The following WDR38 variants were observed in gnomAD, a reference collection of about 807,000 sequenced individuals.
WDR38 encodes WD repeat-containing protein 38.
In WDR38, 37 loss-of-function variants were observed where a neutral mutation model predicts 36.6. That is an observed-to-expected ratio of 1.01 (90% CI 0.78 to 1.33). The LOEUF is 1.33. Ranked by LOEUF, WDR38 falls within the 40% of genes most tolerant of loss-of-function variation. The probability of loss-of-function intolerance (pLI) is 0.00; values close to 1 mark genes in which losing one functional copy is unlikely to be tolerated. For synonymous variants in WDR38, 164 were observed against 168.1 expected (o/e 0.98, Z 0.19); for missense variants, 411 against 414.6 (o/e 0.99, Z 0.07).
chr9:124,856,650 C>A, intron 6 of WDR38, 50 bp downstream of exon 6: 1 of 1,612,490 alleles, frequency 6.2e-7, no homozygotes, highest in Non-Finnish European at 8.5e-7. Flanking sequence ...GGCAGCCAGG[C>A]CCTTAAGGGT....
intron 7 of WDR38, 152 bp from the exon 8 acceptor site, chr9:124,857,212 A>C: frequency 9.4e-7 from 1 of 1,059,730 alleles, no homozygotes; most frequent in South Asian, 1.4e-5. Context: ...CTGTAATCCC[A>C]GCACTTTGGG....
At position 124,857,366 on chromosome 9, in the gene WDR38, CAA is replaced by C. The variant is rs1157358426; in HGVS notation, c.773_774del (p.Lys258SerfsTer11). 3 of 1,613,982 alleles carry C rather than the reference CAA, an allele frequency of 1.9e-6. No homozygotes were observed. The highest frequency in any genetic ancestry group is 2.7e-5 in the African/African-American group (2 of 75,002). On this transcript the variant is annotated frameshift_variant, in exon 8 of 9. Coordinates refer to ENST00000373574, the MANE Select transcript of WDR38 (RefSeq NM_001045476.3). LOFTEE classifies it low-confidence loss of function (END_TRUNC). ...LASAGYSRMV[K>X]VWDCNTGKCL... ...GACATGCCCCCCTCCTTTTCCAGGT[CAA>C]AGTCTGGGACTGCAACACAGGAAAG...
intron 2 of WDR38, 64 bp from the exon 3 acceptor site, chr9:124,855,570 A>T: frequency 6.6e-7 from 1 of 1,514,936 alleles, no homozygotes; most frequent in Middle Eastern, 1.8e-4. Context: ...ATTAGCAAGG[A>T]TTGGACTGCG....
Position 124,856,465 on chromosome 9 carries a change from G to A in WDR38, c.487-4G>A. On this transcript the variant is annotated splice_polypyrimidine_tract_variant and splice_region_variant and intron_variant, in intron 5 of 8. Transcript: ENST00000373574. Reference sequence around the variant, plus strand: ...TGGGCCAGACTCACAGAAGCTGCCTGCAGGCCACCGGCTCCTGGGACTCCA... The same window carrying A: ...TGGGCCAGACTCACAGAAGCTGCCTACAGGCCACCGGCTCCTGGGACTCCA... 1.2e-6 allele frequency: 2 copies of A among 1,612,022 alleles called. No homozygotes were observed. The highest frequency in any genetic ancestry group is 1.7e-6 in the Non-Finnish European group (2 of 1,179,126).
Position 124,856,328 on chromosome 9 carries a change from T to C in WDR38, c.486+8T>C, listed in dbSNP as rs566567105. On this transcript the variant is annotated splice_region_variant and intron_variant, in intron 5 of 8. Transcript: ENST00000373574. Reference sequence around the variant, plus strand: ...CCCACGGTGAACTGCCTGGTGAGCCTACCCTCTGCCCTGGGCCCCACCTCA... The same window carrying C: ...CCCACGGTGAACTGCCTGGTGAGCCCACCCTCTGCCCTGGGCCCCACCTCA... 1.9e-6 allele frequency: 3 copies of C among 1,614,152 alleles called. No homozygotes were observed. The highest frequency in any genetic ancestry group is 1.7e-5 in the Admixed American group (1 of 60,034).
In WDR38 at chr9:124,856,512, G is replaced by A. The variant is rs117762897; in HGVS notation, c.530G>A (p.Arg177Gln). 5.4e-3 allele frequency: 8,650 copies of A among 1,612,364 alleles called. 428 individuals are homozygous for A. The Admixed American group carries it at 0.1, about 19-fold the overall frequency. The change falls in exon 6 of 9, where the codon CGG becomes CAG. Residue 177 changes from arginine (R) to glutamine (Q), a missense_variant. Transcript: ENST00000373574. ...TCCACCGTACACATCTGGGACCTGC[G>A]GATGGTGACCCCAGCAGTCTCCCAC... ...WDSTVHIWDL[R>Q]MVTPAVSHQA...
At chr9:124,856,708 G>A (rs776646244) in intron 6 of WDR38, 24 bp from the exon 7 acceptor site, 3 of 1,613,908 alleles carry the variant, frequency 1.9e-6, no homozygotes, top group Non-Finnish European at 2.5e-6. Flanking sequence ...CAAACCCTGG[G>A]GATCAGAGCT....
At chr9:124,853,678 AG>A (rs1478258632) in intron 1 of WDR38, 78 bp downstream of exon 1, 1 of 1,114,446 alleles carries the variant, frequency 9.0e-7, no homozygotes, top group African/African-American at 1.6e-5. Context: ...TGGGGGTTCC[AG>A]AATGTTCTCT....
chr9:124,853,555 G>A lies in WDR38; in HGVS notation c.24G>A (p.Thr8=), dbSNP rs1828962485. MNSGVPA[T]LAVRRVKFFG... is the part of the protein sequence containing the mutation. ...CCATGAACAGCGGGGTCCCGGCCAC[G>A]CTGGCCGTGCGGAGAGTGAAATTCT... The change falls in exon 1 of 9, where the codon ACG becomes ACA. Residue 8 remains threonine (T), a synonymous_variant. Transcript: ENST00000373574. 4 of 1,250,592 alleles carry A rather than the reference G, an allele frequency of 3.2e-6. No individual in the cohort carries two copies. The highest frequency in any genetic ancestry group is 4.2e-5 in the Admixed American group (1 of 23,884). The allele number at this position is 1,250,592 out of a possible 1,614,324, so 77.5% of individuals were successfully genotyped here.
chr9:124,855,189 C>T (rs370386760), intron 2 of WDR38, among the ~76,000 whole-genome samples: 1 of 152,174 alleles, frequency 6.6e-6, no homozygotes, highest in East Asian at 1.9e-4. Flanking sequence ...CCTGTCACCT[C>T]GCTGAGCCAT....
Position 124,857,755 on chromosome 9 carries a change from T to G in WDR38, c.*125T>G. 6.6e-7 allele frequency: 1 copy of G among 1,524,390 alleles called. No homozygotes were observed. Among genetic ancestry groups the G allele is most frequent in the Non-Finnish European group, 8.9e-7 (1 of 1,129,082 alleles). 94.4% of individuals were successfully genotyped at this position (1,524,390 alleles called of 1,614,324 possible). A position where few individuals can be genotyped will look rare whatever the true frequency, so the allele number is the denominator to read the frequency against. ...CAGCAGATCCCCATGGCCAGGACTC[T>G]CCAGGCCCCACCAGAGCAGACAACT... is the stretch of plus-strand genomic sequence containing the variant. On this transcript the variant is annotated 3_prime_UTR_variant, in exon 9 of 9. Coordinates refer to ENST00000373574, the MANE Select transcript of WDR38 (RefSeq NM_001045476.3).
At position 124,854,200 on chromosome 9, in the gene WDR38, T is replaced by C; in HGVS notation, c.70-5T>C. ...AGAATGGGACCGCTTTTGTGCTGTT[T>C]CTAGGTCAACTCTTCTGCCTTCTCC... On this transcript the variant is annotated splice_polypyrimidine_tract_variant and splice_region_variant and intron_variant, in intron 1 of 8. Coordinates refer to ENST00000373574, the MANE Select transcript of WDR38 (RefSeq NM_001045476.3). 6.2e-7 allele frequency: 1 copy of C among 1,613,990 alleles called. No individual in the cohort carries two copies.
intron 1 of WDR38, 104 bp downstream of exon 1, chr9:124,853,704 G>A (rs1278872052): frequency 1.1e-6 from 1 of 902,130 alleles, no homozygotes; most frequent in African/African-American, 1.7e-5. Context: ...AGTGGCTCAG[G>A]ACATTGAGTC....
At chr9:124,854,112 AC>A in intron 1 of WDR38, 92 bp from the exon 2 acceptor site, 1 of 1,569,718 alleles carries the variant, frequency 6.4e-7, no homozygotes. Context: ...TCAAGCTCCA[AC>A]CCCAGGCTCT....
At chr9:124,854,021 C>T (rs929388722) in intron 1 of WDR38, among the ~76,000 whole-genome samples, 184 bp from the exon 2 acceptor site, 1 of 152,168 alleles carries the variant, frequency 6.6e-6, no homozygotes, top group Non-Finnish European at 1.5e-5. Context: ...CCTCCAACTG[C>T]AGGCTCTGGC....
At chr9:124,856,668 C>T (rs1829079172) in intron 6 of WDR38, 64 bp from the exon 7 acceptor site, 1 of 1,612,646 alleles carries the variant, frequency 6.2e-7, no homozygotes, top group Non-Finnish European at 8.5e-7. Context: ...GGTCCCAGGC[C>T]ACTTAGGGGC....
chr9:124,856,997 G>A lies in WDR38; in HGVS notation c.768+116G>A, dbSNP rs770474494. The A allele has an allele frequency of 4.1e-6, 6 of 1,468,390 alleles. No homozygotes were observed. In the East Asian group the frequency reaches 6.8e-5, roughly 17 times the overall value. The allele number at this position is 1,468,390 out of a possible 1,614,324, so 91.0% of individuals were successfully genotyped here. On this transcript the variant is annotated intron_variant, in intron 7 of 8. Coordinates refer to ENST00000373574, the MANE Select transcript of WDR38 (RefSeq NM_001045476.3). ...ACTTGCCCTAGCTAGGAGGGGGCAA[G>A]GGCAGGACCTGGGTGCCAGCCTCTC...
Position 124,853,606 on chromosome 9 carries a change from G to A in WDR38, c.69+6G>A. 1 of 1,270,310 alleles carries A rather than the reference G, an allele frequency of 7.9e-7. No individual in the cohort carries two copies. 78.7% of individuals were successfully genotyped at this position (1,270,310 alleles called of 1,614,324 possible). On this transcript the variant is annotated splice_donor_region_variant and intron_variant, in intron 1 of 8. Transcript: ENST00000373574. ...TCGGCCAGCACGGCGGGGAGGTGAGGTCCAGCGGGCTCTGCCCAGACTCCC... is the reference window on the plus strand; with the variant it reads ...TCGGCCAGCACGGCGGGGAGGTGAGATCCAGCGGGCTCTGCCCAGACTCCC...
intron 1 of WDR38, among the ~76,000 whole-genome samples, 186 bp downstream of exon 1, chr9:124,853,786 A>C (rs566970386): frequency 6.6e-6 from 1 of 152,238 alleles, no homozygotes; most frequent in South Asian, 2.1e-4. Flanking sequence ...CCAGCTCCAG[A>C]GCAGCTCTAG....
Sources: gnomAD v4.1 joint callset for allele counts (sites outside exome capture counted in the v4.1 genomes callset) on GRCh38, gnomAD v4.1.1 for gene constraint, MANE v1.5 for transcripts, NCBI Gene and HGNC (gene_info 2026-07-23, HGNC 2026-07-21) for gene names.